Variants in VAV1 observed in about 807,000 individuals in gnomAD.
VAV1 encodes proto-oncogene vav.
VAV1 carries 33 observed loss-of-function variants against 128.1 expected under a neutral mutation model. The ratio of observed to expected loss-of-function variants is 0.26; its 90% CI spans 0.20 to 0.34. The LOEUF (loss-of-function observed/expected upper bound fraction) is 0.34, where lower values mean the gene tolerates loss of function less well. VAV1 is among the 10% of genes least tolerant of loss of function. VAV1 has a pLI of 1.00. For synonymous variants in VAV1, 394 were observed against 409.8 expected (o/e 0.96, Z 0.47); for missense variants, 715 against 1,093.7 (o/e 0.65, Z 4.88).
chr19:6,803,052 T>C (rs1162399621), intron 1 of VAV1, among the ~76,000 whole-genome samples: 3 of 152,160 alleles, frequency 2.0e-5, no homozygotes, highest in Non-Finnish European at 4.4e-5. Flanking sequence ...ATGAATGCGA[T>C]GTAGGGCAAG....
At position 6,772,744 on chromosome 19, in the gene VAV1, C is replaced by T. The variant is rs1331720541; in HGVS notation, c.-64C>T. 3 of 1,532,318 alleles carry T rather than the reference C, an allele frequency of 2.0e-6. No homozygotes were observed. Among genetic ancestry groups the T allele is most frequent in the Non-Finnish European group, 2.7e-6 (3 of 1,129,556 alleles). 94.9% of individuals were successfully genotyped at this position (1,532,318 alleles called of 1,614,324 possible). ...TCGCTCCACAGGCGAGCAGGGCAGG[C>T]GTGCGGGCGGGTGGGTGGTGGAGGC... On this transcript the variant is annotated 5_prime_UTR_variant, in exon 1 of 27. Transcript: ENST00000602142. The surrounding 1 kb of genome is among the most constrained non-coding windows in gnomAD (Gnocchi z 4.8).
Position 6,833,968 on chromosome 19 carries a change from G to T in VAV1, c.1777+15G>T, listed in dbSNP as rs1414069205. 1.2e-6 allele frequency: 2 copies of T among 1,614,036 alleles called. No individual in the cohort carries two copies. Among genetic ancestry groups the T allele is most frequent in the Admixed American group, 1.7e-5 (1 of 60,002 alleles). On this transcript the variant is annotated intron_variant, in intron 19 of 26. Transcript: ENST00000602142. ...GAATGAGCTGGGTGAGTTGGCAGGGGTTGCTGTGTGGGGGCAGGAGGAAAA... is the reference window on the plus strand; with the variant it reads ...GAATGAGCTGGGTGAGTTGGCAGGGTTTGCTGTGTGGGGGCAGGAGGAAAA...
chr19:6,791,158 C>T (rs1350319995), intron 1 of VAV1, among the ~76,000 whole-genome samples: 2 of 152,232 alleles, frequency 1.3e-5, no homozygotes, highest in Non-Finnish European at 2.9e-5. Flanking sequence ...TCTTAAATAT[C>T]TCCTCATCTT....
At chr19:6,780,757 A>G (rs886922256) in intron 1 of VAV1, among the ~76,000 whole-genome samples, 1 of 149,318 alleles carries the variant, frequency 6.7e-6, no homozygotes, top group Non-Finnish European at 1.5e-5. Context: ...TATTTTTAGT[A>G]GAGACAGGGT....
chr19:6,837,131 C>G, intron 21 of VAV1, 81 bp downstream of exon 21: 1 of 1,462,316 alleles, frequency 6.8e-7, no homozygotes, highest in Non-Finnish European at 9.6e-7. Context: ...TGGAAAGACA[C>G]CCCCGGAGTT....
chr19:6,777,108 TCATCCATCCATC>T lies in VAV1; in HGVS notation c.204+4112_204+4123del, dbSNP rs371563464. On this transcript the variant is annotated intron_variant, in intron 1 of 26. Transcript: ENST00000602142. This position sits in a 1 kb window ranked among gnomAD's most constrained non-coding sequence, Gnocchi z 4.4. ...CCCACCCACCCATCCATCCATCTAC[TCATCCATCCATC>T]CATCCATCCATCCACCCATCCCATC... 2.0e-5 allele frequency among the ~76,000 whole-genome samples: 3 copies of T among 150,318 alleles called. No homozygotes were observed. Among genetic ancestry groups the T allele is most frequent in the East Asian group, 2.0e-4 (1 of 5,082 alleles).
intron 1 of VAV1, among the ~76,000 whole-genome samples, chr19:6,795,691 G>A (rs1250501641): frequency 6.6e-6 from 1 of 151,898 alleles, no homozygotes; most frequent in Non-Finnish European, 1.5e-5. Context: ...TTGTTTGTTT[G>A]TTTGTTTTTT....
chr19:6,856,811 T>C (rs113878740), intron 26 of VAV1, among the ~76,000 whole-genome samples: 1,857 of 150,980 alleles, frequency 0.012, 45 homozygotes, highest in African/African-American at 0.041. Context: ...CAATTTTGAA[T>C]AGTATGGCTA....
At chr19:6,791,250 G>A (rs955649071) in intron 1 of VAV1, among the ~76,000 whole-genome samples, 1 of 151,894 alleles carries the variant, frequency 6.6e-6, no homozygotes, top group Non-Finnish European at 1.5e-5. Context: ...TCCTCATCTC[G>A]AGGTCCTCAA....
rs774526446 is a variant in VAV1 at position 6,828,798 on chromosome 19, C to G, written c.1180-17C>G. On this transcript the variant is annotated splice_polypyrimidine_tract_variant and intron_variant, in intron 12 of 26. Coordinates refer to ENST00000602142, the MANE Select transcript of VAV1 (RefSeq NM_005428.4). This position sits in a 1 kb window ranked among gnomAD's most constrained non-coding sequence, Gnocchi z 4.5. ...TTTCTTGGGAGACCCTTGCTAGACC[C>G]CCTGCCTACTGCATAGGACCAGTCT... The G allele has an allele frequency of 6.2e-7, 1 of 1,614,104 alleles. No homozygotes were observed. The highest frequency in any genetic ancestry group is 1.1e-5 in the South Asian group (1 of 91,070).
At position 6,853,087 on chromosome 19, in the gene VAV1, G is replaced by T. The variant is rs369715140; in HGVS notation, c.2332+8G>T. 239 of 1,610,082 alleles carry T rather than the reference G, an allele frequency of 1.5e-4. No homozygotes were observed. Among genetic ancestry groups the T allele is most frequent in the Non-Finnish European group, 2.0e-4 (235 of 1,177,488 alleles). On this transcript the variant is annotated splice_region_variant and intron_variant, in intron 25 of 26. Coordinates refer to ENST00000602142, the MANE Select transcript of VAV1 (RefSeq NM_005428.4). Reference sequence around the variant, plus strand: ...CCATCAGCAGGCCAGCAGGTAGGAGGTCTCAGACTGGGGGCTTACAGCCTC... The same window carrying T: ...CCATCAGCAGGCCAGCAGGTAGGAGTTCTCAGACTGGGGGCTTACAGCCTC...
chr19:6,832,870 T>C (rs1047203896), intron 15 of VAV1, among the ~76,000 whole-genome samples: 4 of 152,310 alleles, frequency 2.6e-5, no homozygotes, highest in Non-Finnish European at 4.4e-5. Context: ...ACTAACAGCA[T>C]TGTGCAACCA....
intron 23 of VAV1, among the ~76,000 whole-genome samples, chr19:6,848,782 A>T (rs1972591031): frequency 6.8e-6 from 1 of 148,142 alleles, no homozygotes; most frequent in Admixed American, 6.7e-5. Flanking sequence ...TAATTTTTTT[A>T]ATTTAATTTT....
chr19:6,825,151 G>A (rs1336884236), intron 7 of VAV1, 30 bp downstream of exon 7: 10 of 1,606,276 alleles, frequency 6.2e-6, no homozygotes, highest in Non-Finnish European at 8.5e-6. Context: ...GCCCTCTTGG[G>A]TCTGTCTAGT....
At chr19:6,805,583 TAC>T (rs55732746) in intron 1 of VAV1, among the ~76,000 whole-genome samples, 2,512 of 139,048 alleles carry the variant, frequency 0.018, 79 homozygotes, top group African/African-American at 0.054. Context: ...TTTCTACAGA[TAC>T]ACACACACAC....
chr19:6,772,793 G>A lies in VAV1; in HGVS notation c.-15G>A. 1.2e-6 allele frequency: 2 copies of A among 1,610,782 alleles called. No homozygotes were observed. Among genetic ancestry groups the A allele is most frequent in the Non-Finnish European group, 8.5e-7 (1 of 1,178,862 alleles). On this transcript the variant is annotated 5_prime_UTR_variant, in exon 1 of 27. Coordinates refer to ENST00000602142, the MANE Select transcript of VAV1 (RefSeq NM_005428.4). The surrounding 1 kb of genome is among the most constrained non-coding windows in gnomAD (Gnocchi z 4.8). ...GCTGCGAGGGTGCACGGCCGGCCCTGGGCAGGCGGTAGCCATGGAGCTGTG... is the reference window on the plus strand; with the variant it reads ...GCTGCGAGGGTGCACGGCCGGCCCTAGGCAGGCGGTAGCCATGGAGCTGTG...
chr19:6,810,808 T>C (rs1290821317), intron 1 of VAV1, among the ~76,000 whole-genome samples: 1 of 152,172 alleles, frequency 6.6e-6, no homozygotes, highest in Non-Finnish European at 1.5e-5. Flanking sequence ...GCACCATTGT[T>C]AGATGAAGAG....
At chr19:6,841,307 A>G (rs1029919988) in intron 21 of VAV1, among the ~76,000 whole-genome samples, 14 of 152,146 alleles carry the variant, frequency 9.2e-5, no homozygotes, top group Non-Finnish European at 1.8e-4. Flanking sequence ...GGTTGCTTCA[A>G]CTTTTGCGTA....
At chr19:6,790,315 A>G (rs2546122) in intron 1 of VAV1, among the ~76,000 whole-genome samples, 47,216 of 152,124 alleles carry the variant, frequency 0.31, 9,319 homozygotes, top group African/African-American at 0.57. Flanking sequence ...CACAGTTAAT[A>G]CTTTTCTGAG....
Sources: gnomAD v4.1 joint callset for allele counts (sites outside exome capture counted in the v4.1 genomes callset) on GRCh38, gnomAD v4.1.1 for gene constraint, Gnocchi (gnomAD v3.1) non-coding constraint, MANE v1.5 for transcripts, NCBI Gene and HGNC (gene_info 2026-07-23, HGNC 2026-07-21) for gene names.